Variants in PRKCZ observed in about 807,000 individuals in gnomAD.
The protein encoded by PRKCZ is protein kinase C zeta type.
In PRKCZ, 33 loss-of-function variants were observed where a neutral mutation model predicts 79.5. The observed-to-expected ratio is 0.41, with a 90% CI of 0.31 to 0.55. The LOEUF (loss-of-function observed/expected upper bound fraction) is 0.55, where lower values mean the gene tolerates loss of function less well. Among genes scored for constraint, PRKCZ ranks in the 20% least tolerant of loss-of-function variants. The probability of loss-of-function intolerance (pLI) is 0.19; values close to 1 mark genes in which losing one functional copy is unlikely to be tolerated. For missense variants in PRKCZ, 578 were observed against 813.5 expected (o/e 0.71, Z 3.52); for synonymous variants, 342 against 320.9 (o/e 1.07, Z -0.70).
intron 4 of PRKCZ, among the ~76,000 whole-genome samples, chr1:2,107,359 G>A (rs947612149): frequency 3.9e-5 from 6 of 152,296 alleles, no homozygotes; most frequent in East Asian, 1.9e-4. Context: ...CGCACGTCAC[G>A]TGTCCTGAGA....
intron 4 of PRKCZ, among the ~76,000 whole-genome samples, chr1:2,087,898 G>A (rs940515808): frequency 6.6e-6 from 1 of 152,194 alleles, no homozygotes; most frequent in African/African-American, 2.4e-5. Flanking sequence ...AGCCAGGCAG[G>A]TCACTGCCTG....
Position 2,104,607 on chromosome 1 carries a change from C to T in PRKCZ, c.335-30655C>T, listed in dbSNP as rs116572864. ...AATCCCAGGTGGCAGGGGATGGCCG[C>T]GATGAGGCCCTGGGGTGGAGCCCAG... is the stretch of plus-strand genomic sequence containing the variant. On this transcript the variant is annotated intron_variant, in intron 4 of 17. Coordinates refer to ENST00000378567, the MANE Select transcript of PRKCZ (RefSeq NM_002744.6). The T allele has an allele frequency of 2.4e-4, 216 of 887,148 alleles. No homozygotes were observed. The South Asian group carries it at 5.0e-3, about 20-fold the overall frequency. 55.0% of individuals were successfully genotyped at this position (887,148 alleles called of 1,614,324 possible).
intron 4 of PRKCZ, among the ~76,000 whole-genome samples, chr1:2,072,976 A>G (rs895161840): frequency 3.3e-5 from 5 of 152,162 alleles, no homozygotes; most frequent in Admixed American, 3.3e-4. Flanking sequence ...TGATTGGAGG[A>G]AAATGCCAGG....
In PRKCZ at chr1:2,082,802, C is replaced by T. The variant is rs527975842; in HGVS notation, c.334+23211C>T. On this transcript the variant is annotated intron_variant, in intron 4 of 17. Coordinates refer to ENST00000378567, the MANE Select transcript of PRKCZ (RefSeq NM_002744.6). The surrounding 1 kb of genome is among the most constrained non-coding windows in gnomAD (Gnocchi z 4.4). ...ACACCTGTCCTCCTTCACAGGGGCA[C>T]TCCGGATGTAGTAGCAGGGAGAGGG... Among the ~76,000 whole-genome samples, 1 of 151,836 alleles carries T rather than the reference C, an allele frequency of 6.6e-6. No homozygotes were observed. Among genetic ancestry groups the T allele is most frequent in the Non-Finnish European group, 1.5e-5 (1 of 67,964 alleles).
intron 4 of PRKCZ, among the ~76,000 whole-genome samples, chr1:2,080,164 T>TA (rs930890880): frequency 1.3e-5 from 2 of 152,304 alleles, no homozygotes. Flanking sequence ...TCTTTGCTGT[T>TA]ACGGGTTTTT....
chr1:2,144,005 C>G (rs1449152353), intron 5 of PRKCZ: 1 of 638,752 alleles, frequency 1.6e-6, no homozygotes, highest in East Asian at 3.1e-5. Context: ...CTTGGGGCCA[C>G]TGGTTCCCCC....
At chr1:2,080,343 G>A (rs80240763) in intron 4 of PRKCZ, among the ~76,000 whole-genome samples, 24 of 143,994 alleles carry the variant, frequency 1.7e-4, no homozygotes, top group African/African-American at 5.7e-4. Context: ...TGGACGTGGC[G>A]GTGCGCGTGG....
chr1:2,144,502 G>A, intron 6 of PRKCZ, 161 bp downstream of exon 6: 3 of 1,437,676 alleles, frequency 2.1e-6, no homozygotes, highest in Non-Finnish European at 2.7e-6. Flanking sequence ...CGGCAGTCTT[G>A]GATAGGACCC....
Position 2,174,838 on chromosome 1 carries a change from G to A in PRKCZ, c.1485+5G>A, listed in dbSNP as rs770858444. Reference sequence around the variant, plus strand: ...TTAAAAGGATTTTTAAATAAGGTACGTTTCTGGCCATGCTGACAAAATCTC... The same window carrying A: ...TTAAAAGGATTTTTAAATAAGGTACATTTCTGGCCATGCTGACAAAATCTC... On this transcript the variant is annotated splice_donor_5th_base_variant and intron_variant, in intron 15 of 17. Transcript: ENST00000378567. The surrounding 1 kb of genome is among the most constrained non-coding windows in gnomAD (Gnocchi z 6.2). 2.5e-6 allele frequency: 4 copies of A among 1,613,008 alleles called. No individual in the cohort carries two copies. Among genetic ancestry groups the A allele is most frequent in the Non-Finnish European group, 3.4e-6 (4 of 1,179,116 alleles).
At chr1:2,074,271 G>C (rs1271599772) in intron 4 of PRKCZ, 1 of 1,549,720 alleles carries the variant, frequency 6.5e-7, no homozygotes, top group Non-Finnish European at 8.7e-7. Context: ...CCCCGAGGAC[G>C]GATGGTGTGT....
intron 2 of PRKCZ, 143 bp downstream of exon 2, chr1:2,055,705 A>T (rs1192466403): frequency 7.9e-7 from 1 of 1,266,054 alleles, no homozygotes; most frequent in Non-Finnish European, 1.1e-6. Flanking sequence ...ACTTTTCCCC[A>T]GTGGGGATGG....
intron 1 of PRKCZ, among the ~76,000 whole-genome samples, chr1:2,051,295 C>T (rs987065400): frequency 1.5e-4 from 23 of 152,294 alleles, no homozygotes; most frequent in African/African-American, 5.5e-4. Flanking sequence ...TGGGAGGGGG[C>T]GCGGTCAGGT....
At chr1:2,048,994 C>T (rs1165920700), upstream of PRKCZ, among the ~76,000 whole-genome samples, 1 of 152,106 alleles carries the variant, frequency 6.6e-6, no homozygotes, top group Non-Finnish European at 1.5e-5. Flanking sequence ...GGAAAAACCC[C>T]GTCTCTACTA....
rs569179379 is a variant in PRKCZ, at chr1:2,125,721, C to T, written c.335-9541C>T. Among the ~76,000 whole-genome samples, 3 of 152,340 alleles carry T rather than the reference C, an allele frequency of 2.0e-5. No individual in the cohort carries two copies. Among genetic ancestry groups the T allele is most frequent in the Admixed American group, 6.5e-5 (1 of 15,306 alleles). On this transcript the variant is annotated intron_variant, in intron 4 of 17. Coordinates refer to ENST00000378567, the MANE Select transcript of PRKCZ (RefSeq NM_002744.6). The surrounding 1 kb of genome is among the most constrained non-coding windows in gnomAD (Gnocchi z 4.2). ...TATTCGAAGGAGGCTGGAGTGTGGGCGGAGGGCAGCGCCAGGTTTCCCAAT... is the reference window on the plus strand; with the variant it reads ...TATTCGAAGGAGGCTGGAGTGTGGGTGGAGGGCAGCGCCAGGTTTCCCAAT...
intron 5 of PRKCZ, among the ~76,000 whole-genome samples, chr1:2,137,403 C>T (rs1322589094): frequency 6.6e-6 from 1 of 152,186 alleles, no homozygotes; most frequent in African/African-American, 2.4e-5. Context: ...ATAGACACAC[C>T]CAGATGCAAT....
At chr1:2,145,980 C>T in intron 6 of PRKCZ, 47 bp from the exon 7 acceptor site, 2 of 1,507,724 alleles carry the variant, frequency 1.3e-6, no homozygotes, top group Admixed American at 3.4e-5. Context: ...ATTGTAACAC[C>T]TGCTCTAGCA....
intron 10 of PRKCZ, among the ~76,000 whole-genome samples, chr1:2,163,991 G>C (rs918627021): frequency 2.6e-5 from 4 of 152,072 alleles, no homozygotes; most frequent in Non-Finnish European, 5.9e-5. Flanking sequence ...TACTCCTTAG[G>C]GCCTCCTGGA....
chr1:2,174,890 G>A lies in PRKCZ; in HGVS notation c.1485+57G>A. 6.4e-7 allele frequency: 1 copy of A among 1,560,230 alleles called. No individual in the cohort carries two copies. Among genetic ancestry groups the A allele is most frequent in the Non-Finnish European group, 8.8e-7 (1 of 1,132,094 alleles). On this transcript the variant is annotated intron_variant, in intron 15 of 17. Transcript: ENST00000378567. The surrounding 1 kb of genome is among the most constrained non-coding windows in gnomAD (Gnocchi z 6.2). Reference sequence around the variant, plus strand: ...TTTGTGGCCTCGGTGTTGGTGGGCAGAGGGCCAGGCACGGCTGTTGGCCAT... The same window carrying A: ...TTTGTGGCCTCGGTGTTGGTGGGCAAAGGGCCAGGCACGGCTGTTGGCCAT...
At chr1:2,055,418 T>G in intron 1 of PRKCZ, 23 bp from the exon 2 acceptor site, 1 of 1,578,654 alleles carries the variant, frequency 6.3e-7, no homozygotes, top group Non-Finnish European at 8.6e-7. Context: ...CGGTAACAGA[T>G]GCCCATGTCC....
Sources: gnomAD v4.1 joint callset for allele counts (sites outside exome capture counted in the v4.1 genomes callset) on GRCh38, gnomAD v4.1.1 for gene constraint, Gnocchi (gnomAD v3.1) non-coding constraint, MANE v1.5 for transcripts, NCBI Gene and HGNC (gene_info 2026-07-23, HGNC 2026-07-21) for gene names.